Variants in MAF observed in about 807,000 individuals in gnomAD.
MAF encodes MAF bZIP transcription factor, also known as transcription factor Maf.
In MAF, 10 loss-of-function variants were observed where a neutral mutation model predicts 22.0. That is an observed-to-expected ratio of 0.45 (90% confidence interval 0.28 to 0.77). The LOEUF is 0.77. Among genes scored for constraint, MAF ranks in the 30% least tolerant of loss-of-function variants. MAF has a pLI of 0.12. For synonymous variants in MAF, 337 were observed against 255.8 expected (o/e 1.32, Z -3.03); for missense variants, 544 against 548.4 (o/e 0.99, Z 0.08).
the MAF span, among the ~76,000 whole-genome samples, chr16:79,562,001 C>A: frequency 6.6e-6 from 1 of 152,174 alleles, no homozygotes; most frequent in South Asian, 2.1e-4. Flanking sequence ...CTCACAATCA[C>A]TTATGTTTGC....
At chr16:79,204,145 A>G in the MAF span, 2 of 152,090 alleles carry the variant, frequency 1.3e-5, no homozygotes, top group South Asian at 4.2e-4. Flanking sequence ...TAGATACCCC[A>G]ATGCGATGTT....
At chr16:79,583,142 T>G (rs907901085), downstream of MAF, among the ~76,000 whole-genome samples, 9 of 152,334 alleles carry the variant, frequency 5.9e-5, no homozygotes, top group South Asian at 4.1e-4. Flanking sequence ...AAACCACATT[T>G]GCATTTTATT....
chr16:79,507,503 C>T, the MAF span, among the ~76,000 whole-genome samples: 3 of 151,588 alleles, frequency 2.0e-5, no homozygotes, highest in Non-Finnish European at 4.4e-5. Context: ...CGGCTCACTG[C>T]AAGCCCTGCC....
the MAF span, among the ~76,000 whole-genome samples, chr16:79,222,891 G>C: frequency 2.0e-5 from 3 of 152,146 alleles, no homozygotes; most frequent in South Asian, 2.1e-4. Flanking sequence ...GACCTACAAA[G>C]AAACTTAGAC....
chr16:79,595,124 GAA>G (rs377383083), intron 1 of MAF: 2,347 of 904,202 alleles, frequency 2.6e-3, no homozygotes, highest in Middle Eastern at 5.1e-3. Context: ...TTGTGATGAG[GAA>G]AAAAAAAAAA....
At chr16:79,491,795 G>A in the MAF span, among the ~76,000 whole-genome samples, 5 of 152,210 alleles carry the variant, frequency 3.3e-5, no homozygotes, top group African/African-American at 1.2e-4. Flanking sequence ...GCACTGGCTA[G>A]ACAGATAGGA....
the MAF span, among the ~76,000 whole-genome samples, chr16:79,535,257 C>T: frequency 2.0e-5 from 3 of 152,010 alleles, no homozygotes; most frequent in Non-Finnish European, 2.9e-5. Context: ...TAGAGTTACT[C>T]AGAGACTGGC....
At chr16:79,476,038 G>C in the MAF span, among the ~76,000 whole-genome samples, 1 of 152,170 alleles carries the variant, frequency 6.6e-6, no homozygotes, top group Non-Finnish European at 1.5e-5. Flanking sequence ...TCCTAGGTGG[G>C]CCTGACCTAA....
At chr16:79,380,052 G>A in the MAF span, among the ~76,000 whole-genome samples, 1 of 152,244 alleles carries the variant, frequency 6.6e-6, no homozygotes, top group South Asian at 2.1e-4. Context: ...GCAAACAACA[G>A]GTTTGGCATG....
At chr16:79,450,547 A>G in the MAF span, among the ~76,000 whole-genome samples, 1 of 152,256 alleles carries the variant, frequency 6.6e-6, no homozygotes, top group South Asian at 2.1e-4. Flanking sequence ...AAACTAGTGA[A>G]GAACGTGCTC....
At chr16:79,236,959 A>C in the MAF span, among the ~76,000 whole-genome samples, 369 of 149,888 alleles carry the variant, frequency 2.5e-3, no homozygotes, top group African/African-American at 8.6e-3. Context: ...AAAAAAAAAA[A>C]CTCAAATCCA....
the MAF span, among the ~76,000 whole-genome samples, chr16:79,332,410 C>T: frequency 2.0e-5 from 3 of 152,130 alleles, no homozygotes; most frequent in African/African-American, 7.2e-5. Flanking sequence ...AAGCGATTCT[C>T]GTGCCTCAGC....
At chr16:79,224,204 A>T in the MAF span, among the ~76,000 whole-genome samples, 2 of 152,358 alleles carry the variant, frequency 1.3e-5, no homozygotes, top group Admixed American at 1.3e-4. Flanking sequence ...GGCTGGTTTA[A>T]CATATGCAAA....
chr16:79,574,692 G>C, the MAF span, among the ~76,000 whole-genome samples: 2 of 151,982 alleles, frequency 1.3e-5, no homozygotes, highest in Non-Finnish European at 2.9e-5. Context: ...TAGTGGCTAA[G>C]TCTGGCTTCA....
chr16:79,333,193 C>T, the MAF span, among the ~76,000 whole-genome samples: 1 of 152,178 alleles, frequency 6.6e-6, no homozygotes, highest in African/African-American at 2.4e-5. Context: ...GTCTCTTTGG[C>T]TCGCTGGACC....
chr16:79,374,866 G>A, the MAF span, among the ~76,000 whole-genome samples: 14 of 152,214 alleles, frequency 9.2e-5, no homozygotes, highest in African/African-American at 3.4e-4. Context: ...GACAAGATAT[G>A]TTAGACAGTC....
At chr16:79,376,750 C>T in the MAF span, among the ~76,000 whole-genome samples, 14 of 152,134 alleles carry the variant, frequency 9.2e-5, no homozygotes, top group Admixed American at 5.9e-4. Context: ...GTTCAATTCC[C>T]ACCTATGAGT....
the MAF span, chr16:79,203,884 C>A: frequency 3.9e-5 from 6 of 152,268 alleles, no homozygotes; most frequent in African/African-American, 1.4e-4. Flanking sequence ...ATAACCATAA[C>A]AGAGGTTAAA....
At chr16:79,390,109 G>A in the MAF span, among the ~76,000 whole-genome samples, 1 of 151,746 alleles carries the variant, frequency 6.6e-6, no homozygotes, top group East Asian at 1.9e-4. Flanking sequence ...ATGTGCATTG[G>A]TGATGGCATG....
Sources: gnomAD v4.1 joint callset for allele counts (sites outside exome capture counted in the v4.1 genomes callset) on GRCh38, gnomAD v4.1.1 for gene constraint, MANE v1.5 for transcripts, NCBI Gene and HGNC (gene_info 2026-07-23, HGNC 2026-07-21) for gene names.